The following DIAPH3 variants were observed in gnomAD, a reference collection of about 807,000 sequenced individuals.
DIAPH3 encodes the protein protein diaphanous homolog 3.
DIAPH3 carries 117 observed loss-of-function variants against 144.3 expected under a neutral mutation model. That is an observed-to-expected ratio of 0.81 (90% CI 0.70 to 0.95). The LOEUF (loss-of-function observed/expected upper bound fraction) is 0.95. Ranked by LOEUF, DIAPH3 falls within the 40% of genes least tolerant of loss-of-function variation. The probability of loss-of-function intolerance (pLI) is 0.00; values close to 1 mark genes in which losing one functional copy is unlikely to be tolerated. For missense variants in DIAPH3, 1,421 were observed against 1,412.7 expected, an observed-to-expected ratio of 1.01 and a Z score of -0.09; for synonymous variants, 519 against 488.9, an observed-to-expected ratio of 1.06 and a Z score of -0.81.
chr13:59,716,379 G>T (rs1431020464), intron 27 of DIAPH3, among the ~76,000 whole-genome samples: 1 of 152,108 alleles, frequency 6.6e-6, no homozygotes, highest in Non-Finnish European at 1.5e-5. Flanking sequence ...GTTTCACCAT[G>T]TTAGCCAGGA....
intron 4 of DIAPH3, among the ~76,000 whole-genome samples, chr13:60,072,627 C>T (rs774436917): frequency 6.6e-6 from 1 of 152,044 alleles, no homozygotes; most frequent in Non-Finnish European, 1.5e-5. Flanking sequence ...CCTCATACTG[C>T]TTACTATAAG....
chr13:60,005,539 G>A (rs1182978540), intron 9 of DIAPH3, among the ~76,000 whole-genome samples: 2 of 152,016 alleles, frequency 1.3e-5, no homozygotes, highest in African/African-American at 4.8e-5. Flanking sequence ...GGAGTGCAGT[G>A]GCATGTTCTC....
intron 14 of DIAPH3, among the ~76,000 whole-genome samples, chr13:59,979,199 A>T (rs1022135322): frequency 6.6e-6 from 1 of 151,540 alleles, no homozygotes; most frequent in Non-Finnish European, 1.5e-5. Context: ...TATATTTAAA[A>T]CCTACAATTT....
chr13:59,898,134 C>CAAAAAAAAAA (rs34238599), intron 20 of DIAPH3, among the ~76,000 whole-genome samples: 3 of 72,192 alleles, frequency 4.2e-5, no homozygotes, highest in Admixed American at 2.0e-4. Flanking sequence ...GACTCTGCCT[C>CAAAAAAAAAA]AAAAAAAAAA....
At chr13:60,160,226 A>C (rs187487672) in intron 1 of DIAPH3, among the ~76,000 whole-genome samples, 2 of 152,344 alleles carry the variant, frequency 1.3e-5, no homozygotes, top group East Asian at 1.9e-4. Flanking sequence ...TCCGTCTCAA[A>C]AAAAGAAAAA....
chr13:59,933,742 C>A (rs1380464922), intron 17 of DIAPH3, among the ~76,000 whole-genome samples: 2 of 152,134 alleles, frequency 1.3e-5, no homozygotes, highest in African/African-American at 2.4e-5. Flanking sequence ...GGTTTTATGT[C>A]AGAATGAAGT....
intron 17 of DIAPH3, among the ~76,000 whole-genome samples, chr13:59,927,633 T>A (rs1050958278): frequency 2.6e-5 from 4 of 152,160 alleles, no homozygotes; most frequent in Non-Finnish European, 2.9e-5. Context: ...CCCTCACCTG[T>A]GAAGAACAGC....
intron 27 of DIAPH3, among the ~76,000 whole-genome samples, chr13:59,727,228 C>T (rs1247903083): frequency 1.3e-5 from 2 of 152,088 alleles, no homozygotes; most frequent in Non-Finnish European, 2.9e-5. Context: ...CTTAGTGGTA[C>T]AGGTGGTTGT....
At chr13:59,884,843 C>T (rs1213746116) in intron 20 of DIAPH3, among the ~76,000 whole-genome samples, 5 of 147,680 alleles carry the variant, frequency 3.4e-5, no homozygotes, top group East Asian at 3.9e-4. Flanking sequence ...AATATCAAAA[C>T]TGTTTTTAAA....
chr13:59,881,689 A>G (rs2045058572), intron 20 of DIAPH3, among the ~76,000 whole-genome samples: 1 of 152,156 alleles, frequency 6.6e-6, no homozygotes, highest in South Asian at 2.1e-4. Context: ...AGGGACAGGT[A>G]CCTTGAAAAG....
intron 4 of DIAPH3, among the ~76,000 whole-genome samples, chr13:60,092,816 G>GTGGA (rs1185234382): frequency 3.9e-5 from 6 of 152,190 alleles, no homozygotes; most frequent in Admixed American, 3.9e-4. Flanking sequence ...TAGCAGTTAA[G>GTGGA]TGGAGTTAAA....
At chr13:59,710,601 T>C (rs2034682246) in intron 27 of DIAPH3, among the ~76,000 whole-genome samples, 1 of 152,226 alleles carries the variant, frequency 6.6e-6, no homozygotes, top group Middle Eastern at 3.2e-3. Flanking sequence ...GCCAGTTGTG[T>C]GAGCCTGGGA....
At chr13:60,105,254 T>C (rs985103965) in intron 3 of DIAPH3, among the ~76,000 whole-genome samples, 3 of 152,176 alleles carry the variant, frequency 2.0e-5, no homozygotes, top group Non-Finnish European at 2.9e-5. Flanking sequence ...ACTTTTTTCT[T>C]AAGGCCACCT....
chr13:59,978,185 T>G (rs1374070146), intron 14 of DIAPH3, among the ~76,000 whole-genome samples: 1 of 151,742 alleles, frequency 6.6e-6, no homozygotes, highest in Non-Finnish European at 1.5e-5. Context: ...ACCTTTCCAG[T>G]GTCTTACATC....
chr13:59,885,851 C>A (rs1434182132), intron 20 of DIAPH3, among the ~76,000 whole-genome samples: 1 of 152,030 alleles, frequency 6.6e-6, no homozygotes, highest in Non-Finnish European at 1.5e-5. Flanking sequence ...ATCAGATTCT[C>A]ACTCAGAGAC....
intron 3 of DIAPH3, 26 bp from the exon 4 acceptor site, chr13:60,093,758 A>G: frequency 6.7e-7 from 1 of 1,484,752 alleles, no homozygotes; most frequent in Non-Finnish European, 9.4e-7. Context: ...AAAATGCCTC[A>G]TTTTAGAATC....
intron 4 of DIAPH3, among the ~76,000 whole-genome samples, chr13:60,065,524 A>G (rs1313351399): frequency 6.6e-6 from 1 of 152,166 alleles, no homozygotes; most frequent in Admixed American, 6.6e-5. Context: ...AAACACAGCA[A>G]TATTTGTCAA....
intron 27 of DIAPH3, among the ~76,000 whole-genome samples, chr13:59,694,528 G>T (rs2033694686): frequency 6.6e-6 from 1 of 152,088 alleles, no homozygotes; most frequent in Non-Finnish European, 1.5e-5. Flanking sequence ...AAAAGTCACT[G>T]AAAACATTAT....
intron 27 of DIAPH3, among the ~76,000 whole-genome samples, chr13:59,708,439 A>G (rs342592): frequency 0.73 from 111,220 of 151,994 alleles, 40,941 homozygotes; most frequent in East Asian, 0.88. Flanking sequence ...TTCTTCTTGA[A>G]GTCACAGTAG....
Sources: gnomAD v4.1 joint callset for allele counts (sites outside exome capture counted in the v4.1 genomes callset) on GRCh38, gnomAD v4.1.1 for gene constraint, MANE v1.5 for transcripts, NCBI Gene and HGNC (gene_info 2026-07-23, HGNC 2026-07-21) for gene names.